Variants in RPP30 observed in about 807,000 individuals in gnomAD.
The protein encoded by RPP30 is ribonuclease P/MRP subunit p30.
A neutral mutation model predicts 38.6 loss-of-function variants in RPP30; 36 were observed. The ratio of observed to expected loss-of-function variants is 0.93; its 90% CI spans 0.71 to 1.23. The LOEUF (loss-of-function observed/expected upper bound fraction) is 1.23. RPP30 is among the 50% of genes most tolerant of loss of function. RPP30 has a pLI of 0.00. For synonymous variants in RPP30, 126 were observed against 112.7 expected, an observed-to-expected ratio of 1.12 and a Z score of -0.75; for missense variants, 321 against 321.7, an observed-to-expected ratio of 1.00 and a Z score of 0.02.
At position 90,895,868 on chromosome 10, in the gene RPP30, A is replaced by G. The variant is rs1847133691; in HGVS notation, c.580-12A>G. 6.3e-7 allele frequency: 1 copy of G among 1,583,006 alleles called. No individual in the cohort carries two copies. The highest frequency in any genetic ancestry group is 8.6e-7 in the Non-Finnish European group (1 of 1,159,392). ...ATTTTCTCATATCTACTCTTTGTTC[A>G]TTTTATTTCAGCCTTTAGAAATAAG... is the stretch of plus-strand genomic sequence containing the variant. On this transcript the variant is annotated splice_polypyrimidine_tract_variant and intron_variant, in intron 8 of 10. Coordinates refer to ENST00000371703, the MANE Select transcript of RPP30 (RefSeq NM_006413.5).
Position 90,895,909 on chromosome 10 carries a change from G to T in RPP30, c.609G>T (p.Val203=). The T allele has an allele frequency of 6.3e-7, 1 of 1,597,964 alleles. No individual in the cohort carries two copies. The highest frequency in any genetic ancestry group is 1.1e-5 in the South Asian group (1 of 87,204). The change falls in exon 9 of 11, where the codon GTG becomes GTT. Residue 203 remains valine (V), a synonymous_variant. Transcript: ENST00000371703. ...TAGAAATAAGAGGGCCATATGACGT[G>T]GCAAATCTGTATCCTTTTCTGAGTA... ...RPLEIRGPYD[V]ANLGLLFGLS... is the part of the protein sequence containing the mutation.
chr10:90,895,229 T>G, intron 7 of RPP30: 1 of 499,270 alleles, frequency 2.0e-6, no homozygotes, highest in East Asian at 3.8e-5. Flanking sequence ...TTAATTCACC[T>G]TTACTAAGAT....
chr10:90,878,033 T>C (rs775062687), intron 4 of RPP30, among the ~76,000 whole-genome samples: 11 of 152,236 alleles, frequency 7.2e-5, no homozygotes, highest in Non-Finnish European at 1.3e-4. Flanking sequence ...CAAGGCAGCA[T>C]TCTGGTTCCT....
At chr10:90,876,156 T>G (rs1052047032) in intron 4 of RPP30, 58 bp downstream of exon 4, 1 of 1,081,070 alleles carries the variant, frequency 9.3e-7, no homozygotes, top group South Asian at 1.3e-5. Context: ...TGATTAATGT[T>G]GAACAATGTT....
chr10:90,896,304 T>TCC lies in RPP30; in HGVS notation c.618-5_618-4dup. 6.2e-7 allele frequency: 1 copy of TCC among 1,613,058 alleles called. No homozygotes were observed. The highest frequency in any genetic ancestry group is 8.5e-7 in the Non-Finnish European group (1 of 1,179,116). On this transcript the variant is annotated splice_polypyrimidine_tract_variant and intron_variant, in intron 9 of 10. Transcript: ENST00000371703. Reference sequence around the variant, plus strand: ...GACTCTGGGTTGAAATCTTTAATGCTCCCCCAAGAGGCTTGCTGTTTGGGC... The same window carrying TCC: ...GACTCTGGGTTGAAATCTTTAATGCTCCCCCCCAAGAGGCTTGCTGTTTGGGC...
chr10:90,872,816 A>G (rs765674917), intron 1 of RPP30, among the ~76,000 whole-genome samples: 9 of 151,906 alleles, frequency 5.9e-5, no homozygotes, highest in Non-Finnish European at 1.0e-4. Context: ...AGAAATGACA[A>G]CCACTTCTTG....
intron 4 of RPP30, among the ~76,000 whole-genome samples, chr10:90,877,774 G>A (rs1025744939): frequency 3.3e-5 from 5 of 152,312 alleles, no homozygotes; most frequent in South Asian, 2.1e-4. Flanking sequence ...AATGGGAGGC[G>A]TAGGGTGGTT....
chr10:90,894,741 T>C (rs1359913603), intron 6 of RPP30, 34 bp from the exon 7 acceptor site: 5 of 1,479,032 alleles, frequency 3.4e-6, no homozygotes, highest in Non-Finnish European at 4.7e-6. Context: ...CAGTGCATGC[T>C]TATCTCTGAC....
chr10:90,901,220 C>T lies in RPP30; in HGVS notation c.*541C>T. Reference sequence around the variant, plus strand: ...GAGGCTGGTCTCAAACTCCTAGGATCAAGCCATCCTCCCGCTTTGGCCTCC... The same window carrying T: ...GAGGCTGGTCTCAAACTCCTAGGATTAAGCCATCCTCCCGCTTTGGCCTCC... On this transcript the variant is annotated 3_prime_UTR_variant, in exon 11 of 11. Transcript: ENST00000371703. 2 of 698,594 alleles carry T rather than the reference C, an allele frequency of 2.9e-6. No homozygotes were observed. Among genetic ancestry groups the T allele is most frequent in the Non-Finnish European group, 3.5e-6 (2 of 571,962 alleles). 43.3% of individuals were successfully genotyped at this position (698,594 alleles called of 1,614,324 possible).
downstream of RPP30, among the ~76,000 whole-genome samples, chr10:90,907,072 T>G (rs961807307): frequency 5.3e-5 from 8 of 152,246 alleles, no homozygotes; most frequent in African/African-American, 1.9e-4. Context: ...TGCAAATATT[T>G]ATATGTGGCA....
At chr10:90,886,962 T>TTAG (rs568945555) in intron 6 of RPP30, among the ~76,000 whole-genome samples, 109 of 151,814 alleles carry the variant, frequency 7.2e-4, no homozygotes, top group Admixed American at 5.3e-3. Context: ...GCAAAAATTA[T>TTAG]TAGTAGTAGT....
At chr10:90,898,380 T>A (rs752283632) in intron 10 of RPP30, among the ~76,000 whole-genome samples, 1 of 152,134 alleles carries the variant, frequency 6.6e-6, no homozygotes, top group Non-Finnish European at 1.5e-5. Context: ...GTTACCCTGG[T>A]TTTCGTTGCC....
At chr10:90,874,785 T>G in intron 1 of RPP30, 84 bp from the exon 2 acceptor site, 8 of 826,600 alleles carry the variant, frequency 9.7e-6, no homozygotes, top group Non-Finnish European at 1.5e-5. Flanking sequence ...CTCCTACTCT[T>G]GACATCTAGA....
intron 5 of RPP30, among the ~76,000 whole-genome samples, chr10:90,880,583 C>G (rs1164099754): frequency 6.6e-6 from 1 of 152,020 alleles, no homozygotes; most frequent in Non-Finnish European, 1.5e-5. Context: ...CAAAAATTAT[C>G]CAGGCATGGT....
intron 5 of RPP30, among the ~76,000 whole-genome samples, chr10:90,880,602 C>T (rs1285175665): frequency 3.9e-5 from 6 of 152,068 alleles, no homozygotes; most frequent in African/African-American, 1.2e-4. Context: ...GTGGCACGCT[C>T]GCAGCTACTC....
At chr10:90,880,476 C>T (rs1589495504) in intron 5 of RPP30, among the ~76,000 whole-genome samples, 2 of 152,174 alleles carry the variant, frequency 1.3e-5, no homozygotes, top group Admixed American at 1.3e-4. Context: ...GCCTGTAATC[C>T]TAGCACTTTG....
intron 4 of RPP30, among the ~76,000 whole-genome samples, chr10:90,878,742 G>A (rs544496114): frequency 3.1e-4 from 47 of 152,022 alleles, no homozygotes; most frequent in Non-Finnish European, 5.7e-4. Context: ...GTCCTCCCAC[G>A]TCGGCCTCCC....
Position 90,900,932 on chromosome 10 carries a change from A to C in RPP30, c.*253A>C. ...AAGACTGGTTATTTCTCCTTTGTGTAAGTGATAAACAACAGCAAATATACT... is the reference window on the plus strand; with the variant it reads ...AAGACTGGTTATTTCTCCTTTGTGTCAGTGATAAACAACAGCAAATATACT... On this transcript the variant is annotated 3_prime_UTR_variant, in exon 11 of 11. Transcript: ENST00000371703. 8.4e-7 allele frequency: 1 copy of C among 1,191,030 alleles called. No homozygotes were observed. The highest frequency in any genetic ancestry group is 1.0e-6 in the Non-Finnish European group (1 of 959,922). The allele number at this position is 1,191,030 out of a possible 1,614,324, so 73.8% of individuals were successfully genotyped here. A position where few individuals can be genotyped will look rare whatever the true frequency, so the allele number is the denominator to read the frequency against.
intron 6 of RPP30, among the ~76,000 whole-genome samples, chr10:90,893,572 T>C (rs991130740): frequency 6.6e-6 from 1 of 152,218 alleles, no homozygotes; most frequent in Non-Finnish European, 1.5e-5. Context: ...GCCTGCACAG[T>C]TGGCCCTTCC....
Sources: gnomAD v4.1 joint callset for allele counts (sites outside exome capture counted in the v4.1 genomes callset) on GRCh38, gnomAD v4.1.1 for gene constraint, MANE v1.5 for transcripts, NCBI Gene and HGNC (gene_info 2026-07-23, HGNC 2026-07-21) for gene names.